DGKK: variants seen among roughly 807,000 people sequenced by gnomAD.
DGKK encodes diacylglycerol kinase kappa, also known as 142 kDa diacylglycerol kinase.
A neutral mutation model predicts 92.2 loss-of-function variants in DGKK; 35 were observed. That is an observed-to-expected ratio of 0.38 (90% confidence interval 0.29 to 0.50). The LOEUF (loss-of-function observed/expected upper bound fraction) is 0.50. Ranked by LOEUF, DGKK falls within the 20% of genes least tolerant of loss-of-function variation. The pLI is 0.92. For synonymous variants in DGKK, 368 were observed against 360.6 expected (o/e 1.02, Z -0.23); for missense variants, 910 against 992.2 (o/e 0.92, Z 1.11).
intron 13 of DGKK, among the ~76,000 whole-genome samples, chrX:50,388,037 G>T (rs1287604573): frequency 1.8e-5 from 2 of 112,322 alleles, no homozygotes; most frequent in African/African-American, 6.5e-5. Context: ...TATATTGGGA[G>T]GACTCTCCCT....
intron 1 of DGKK, among the ~76,000 whole-genome samples, chrX:50,429,556 G>A (rs1438269882): frequency 9.0e-6 from 1 of 111,495 alleles, no homozygotes; most frequent in Non-Finnish European, 1.9e-5. Flanking sequence ...GGGCGTGGTG[G>A]CGGGCGCCTG....
At chrX:50,425,526 TACAC>T (rs1185619718) in intron 1 of DGKK, among the ~76,000 whole-genome samples, 1 of 106,974 alleles carries the variant, frequency 9.3e-6, no homozygotes, top group Non-Finnish European at 1.9e-5. Context: ...TTCTCCCAAA[TACAC>T]ACACACACAC....
chrX:50,393,357 G>A (rs782608246), intron 8 of DGKK, 22 bp from the exon 9 acceptor site: 20 of 1,158,675 alleles, frequency 1.7e-5, no homozygotes, highest in South Asian at 1.2e-4. Flanking sequence ...AAAAGAAAAA[G>A]AAGAAAAAAA....
intron 1 of DGKK, among the ~76,000 whole-genome samples, chrX:50,437,417 C>A (rs782487924): frequency 9.0e-6 from 1 of 111,523 alleles, no homozygotes; most frequent in African/African-American, 3.3e-5. Context: ...TGCAGGCAAA[C>A]ACCTGGTAAA....
In DGKK at chrX:50,395,936, G is replaced by A. The variant is rs146941134; in HGVS notation, c.1412-2601C>T. On this transcript the variant is annotated intron_variant, in intron 8 of 27. Transcript: ENST00000611977. ...TGACAGTATCTATGAAAATTACAGAGGCATATGCATTTTGACCTAGTAATT... is the reference window on the plus strand; with the variant it reads ...TGACAGTATCTATGAAAATTACAGAAGCATATGCATTTTGACCTAGTAATT... Among the ~76,000 whole-genome samples, 16 of 111,083 alleles carry A rather than the reference G, an allele frequency of 1.4e-4. No individual in the cohort carries two copies. The East Asian group carries it at 4.5e-3, about 31-fold the overall frequency.
At chrX:50,460,820 A>G (rs1333804378) in intron 1 of DGKK, among the ~76,000 whole-genome samples, 3 of 109,898 alleles carry the variant, frequency 2.7e-5, no homozygotes, top group Non-Finnish European at 5.7e-5. Context: ...ATATATTCTT[A>G]TTTCCCTTCT....
chrX:50,445,297 T>G (rs1428740026), intron 1 of DGKK, among the ~76,000 whole-genome samples: 1 of 111,030 alleles, frequency 9.0e-6, no homozygotes, highest in Non-Finnish European at 1.9e-5. Context: ...AGATCCCGTT[T>G]GTCAAATCTT....
intron 4 of DGKK, among the ~76,000 whole-genome samples, chrX:50,411,699 T>C (rs1425051531): frequency 8.9e-6 from 1 of 111,931 alleles, no homozygotes. Flanking sequence ...CAAATTCTGA[T>C]AATTGTCATA....
At position 50,367,689 on chromosome X, in the gene DGKK, C is replaced by T. The variant is rs1924005357; in HGVS notation, c.*1251G>A. The stretch of plus-strand genomic sequence containing the variant: ...AGTCACAGAGCTCAAGGCCTGGTTG[C>T]TCCATATAGTCTTTTTATTGGGGAA... On this transcript the variant is annotated 3_prime_UTR_variant, in exon 28 of 28. Coordinates refer to ENST00000611977, the MANE Select transcript of DGKK (RefSeq NM_001013742.4). 1.8e-5 allele frequency: 2 copies of T among 111,414 alleles called. No individual in the cohort carries two copies. The allele number at this position is 111,414 out of a possible 1,213,427, so 9.2% of individuals were successfully genotyped here. A position where few individuals can be genotyped will look rare whatever the true frequency, so the allele number is the denominator to read the frequency against.
chrX:50,467,277 TTGAAAAGAAAACATGAGCCCC>T (rs1385931089), intron 1 of DGKK, among the ~76,000 whole-genome samples: 1 of 112,646 alleles, frequency 8.9e-6, no homozygotes, highest in Non-Finnish European at 1.9e-5. Context: ...TGGTAGCTAT[TTGAAAAGAAAACATGAGCCCC>T]CTTTTCTCAG....
chrX:50,411,117 A>G (rs1378192914), intron 4 of DGKK, among the ~76,000 whole-genome samples: 2 of 110,907 alleles, frequency 1.8e-5, no homozygotes, highest in East Asian at 5.7e-4. Context: ...GCTCTGATTA[A>G]CTCTTCCCCA....
At chrX:50,419,996 T>C (rs782749969) in intron 4 of DGKK, among the ~76,000 whole-genome samples, 1 of 112,218 alleles carries the variant, frequency 8.9e-6, no homozygotes, top group African/African-American at 3.2e-5. Flanking sequence ...ATAGTGATTC[T>C]GCCTTGGACT....
In DGKK at chrX:50,383,793, A is replaced by G. The variant is rs1432498995; in HGVS notation, c.2549+375T>C. Among the ~76,000 whole-genome samples, 6 of 112,120 alleles carry G rather than the reference A, an allele frequency of 5.4e-5. No individual in the cohort carries two copies. The East Asian group carries it at 1.4e-3, about 26-fold the overall frequency. On this transcript the variant is annotated intron_variant, in intron 17 of 27. Transcript: ENST00000611977. ...ACCATTTTAGTTTTTAGTATCTTCA[A>G]CCATTTACTGTTAAGGGCAACAGTG...
rs1372742534 is a variant in DGKK at position 50,366,520 on chromosome X, AC to A, written c.*2419del. The A allele has an allele frequency of 8.9e-6, 1 of 111,806 alleles. No individual in the cohort carries two copies. Among genetic ancestry groups the A allele is most frequent in the African/African-American group, 3.3e-5 (1 of 30,723 alleles). The allele number at this position is 111,806 out of a possible 1,213,427, so 9.2% of individuals were successfully genotyped here. On this transcript the variant is annotated 3_prime_UTR_variant, in exon 28 of 28. Coordinates refer to ENST00000611977, the MANE Select transcript of DGKK (RefSeq NM_001013742.4). ...AACAGCAGCATCACTGTGCACAAAG[AC>A]CTAATTATTGCAGCAAAGTAAGCAC... is the stretch of plus-strand genomic sequence containing the variant.
At chrX:50,466,017 C>CTTTTT (rs72090197) in intron 1 of DGKK, among the ~76,000 whole-genome samples, 84 of 42,725 alleles carry the variant, frequency 2.0e-3, no homozygotes, top group Admixed American at 3.7e-3. Flanking sequence ...TTTCTTTTTT[C>CTTTTT]TTTTTTTTTT....
intron 4 of DGKK, among the ~76,000 whole-genome samples, chrX:50,411,805 C>A (rs1237455508): frequency 1.8e-5 from 2 of 111,205 alleles, no homozygotes; most frequent in Admixed American, 9.6e-5. Flanking sequence ...GATGACATGA[C>A]CTTATATATT....
chrX:50,400,273 C>T (rs1433979909), intron 8 of DGKK, among the ~76,000 whole-genome samples: 1 of 111,669 alleles, frequency 9.0e-6, no homozygotes, highest in Non-Finnish European at 1.9e-5. Flanking sequence ...TTCTTCTTGG[C>T]TTCTGCTTTT....
rs1557226490 is a variant in DGKK, at chrX:50,400,364, C to T, written c.1411+673G>A. On this transcript the variant is annotated intron_variant, in intron 8 of 27. Coordinates refer to ENST00000611977, the MANE Select transcript of DGKK (RefSeq NM_001013742.4). ...TGCTGCATTGATTTCATTACTACCT[C>T]CTTTCCGCTCAACCTCCTATAAATG... Among the ~76,000 whole-genome samples the T allele has an allele frequency of 2.7e-5, 3 of 112,174 alleles. No individual in the cohort carries two copies. The East Asian group carries it at 8.3e-4, about 31-fold the overall frequency.
chrX:50,400,966 T>G, intron 8 of DGKK, 71 bp downstream of exon 8: 2 of 978,248 alleles, frequency 2.0e-6, no homozygotes, highest in Non-Finnish European at 2.9e-6. Flanking sequence ...TTAATTGCAG[T>G]GCTTCTTCCC....
Sources: gnomAD v4.1 joint callset for allele counts (sites outside exome capture counted in the v4.1 genomes callset) on GRCh38, gnomAD v4.1.1 for gene constraint, MANE v1.5 for transcripts, NCBI Gene and HGNC (gene_info 2026-07-23, HGNC 2026-07-21) for gene names.